REPS2: variants seen among roughly 807,000 people sequenced by gnomAD.
The protein encoded by REPS2 is RALBP1 associated Eps domain containing 2.
A neutral mutation model predicts 53.6 loss-of-function variants in REPS2; 23 were observed. That is an observed-to-expected ratio of 0.43 (90% confidence interval 0.31 to 0.61). The LOEUF (loss-of-function observed/expected upper bound fraction) is 0.61, where lower values mean the gene tolerates loss of function less well. REPS2 is among the 20% of genes least tolerant of loss of function. The pLI is 0.11. For missense variants in REPS2, 446 were observed against 534.9 expected, an observed-to-expected ratio of 0.83 and a Z score of 1.64; for synonymous variants, 238 against 218.6, an observed-to-expected ratio of 1.09 and a Z score of -0.78.
chrX:16,965,914 C>A (rs1416977750), intron 1 of REPS2, among the ~76,000 whole-genome samples: 1 of 112,650 alleles, frequency 8.9e-6, no homozygotes, highest in East Asian at 2.8e-4. Context: ...TGGAGACCAA[C>A]CCGGCCAACA....
At chrX:17,074,049 C>T in intron 11 of REPS2, 65 bp from the exon 12 acceptor site, 1 of 1,019,350 alleles carries the variant, frequency 9.8e-7, no homozygotes, top group Non-Finnish European at 1.4e-6. Flanking sequence ...TCTGTACTAG[C>T]CCAGGTGCTG....
chrX:16,965,632 G>T (rs2060750986), intron 1 of REPS2, among the ~76,000 whole-genome samples: 1 of 112,146 alleles, frequency 8.9e-6, no homozygotes, highest in Admixed American at 9.3e-5. Context: ...ACGATGGGCG[G>T]CCGGGCAGAG....
intron 2 of REPS2, among the ~76,000 whole-genome samples, chrX:17,015,474 A>G (rs1602680807): frequency 9.1e-6 from 1 of 110,431 alleles, no homozygotes; most frequent in East Asian, 2.8e-4. Context: ...GGTTTGTTAC[A>G]TATGTATACA....
At chrX:17,104,375 G>A (rs188484593) in intron 14 of REPS2, among the ~76,000 whole-genome samples, 45 of 112,111 alleles carry the variant, frequency 4.0e-4, no homozygotes, top group African/African-American at 1.3e-3. Flanking sequence ...TCAACACTTT[G>A]CAGAGCTGAA....
intron 1 of REPS2, among the ~76,000 whole-genome samples, chrX:16,995,614 C>T (rs749962221): frequency 3.4e-4 from 38 of 111,991 alleles, no homozygotes; most frequent in Non-Finnish European, 5.6e-5. Flanking sequence ...TCACACACCC[C>T]AACCAGATTA....
rs367589057 is a variant in REPS2, at chrX:16,975,051, C to CT, written c.273+27923dup. Among the ~76,000 whole-genome samples the CT allele has an allele frequency of 4.3e-3, 484 of 111,746 alleles. 7 individuals are homozygous for CT. The highest frequency in any genetic ancestry group is 0.015 in the African/African-American group (473 of 30,739). ...TTCCTGCAAAGGACATGAGCTCATT[C>CT]TTTTTTATGGTTGTGTAGTATTCCA... On this transcript the variant is annotated intron_variant, in intron 1 of 17. Coordinates refer to ENST00000357277, the MANE Select transcript of REPS2 (RefSeq NM_004726.3).
intron 1 of REPS2, among the ~76,000 whole-genome samples, chrX:16,990,216 G>T (rs945702015): frequency 4.5e-5 from 5 of 111,846 alleles, no homozygotes; most frequent in African/African-American, 9.8e-5. Flanking sequence ...TTCCATTTAT[G>T]TAACATTCTT....
At position 17,007,984 on chromosome X, in the gene REPS2, T is replaced by A. The variant is rs536319154; in HGVS notation, c.397+1640T>A. On this transcript the variant is annotated intron_variant, in intron 2 of 17. Coordinates refer to ENST00000357277, the MANE Select transcript of REPS2 (RefSeq NM_004726.3). Reference sequence around the variant, plus strand: ...TCTATGCAAAATAGCCTTGTCTCAATTTTTTCTATTTAGTAAGATGCTGAC... The same window carrying A: ...TCTATGCAAAATAGCCTTGTCTCAAATTTTTCTATTTAGTAAGATGCTGAC... 3.5e-5 allele frequency among the ~76,000 whole-genome samples: 4 copies of A among 112,687 alleles called. No individual in the cohort carries two copies. The East Asian group carries it at 8.4e-4, about 24-fold the overall frequency.
the REPS2 span, among the ~76,000 whole-genome samples, chrX:17,172,784 AAATT>A: frequency 8.9e-6 from 1 of 112,021 alleles, no homozygotes; most frequent in East Asian, 2.8e-4. Context: ...TCAGAATATA[AAATT>A]AATACATAAT....
intron 14 of REPS2, among the ~76,000 whole-genome samples, chrX:17,107,680 A>G (rs1353017463): frequency 8.9e-6 from 1 of 111,828 alleles, no homozygotes; most frequent in African/African-American, 3.2e-5. Flanking sequence ...AGTTAAAAGA[A>G]ACATCTTTTT....
At chrX:17,037,842 A>C (rs1402267436) in intron 5 of REPS2, among the ~76,000 whole-genome samples, 2 of 111,577 alleles carry the variant, frequency 1.8e-5, no homozygotes, top group Non-Finnish European at 3.8e-5. Context: ...ACTTCTTTAC[A>C]ACTGGCACCA....
intron 1 of REPS2, among the ~76,000 whole-genome samples, chrX:16,965,134 G>T (rs2060732993): frequency 1.1e-5 from 1 of 91,878 alleles, no homozygotes; most frequent in South Asian, 5.5e-4. Flanking sequence ...TGGCCGGGTG[G>T]GGGGCTGACC....
the REPS2 span, among the ~76,000 whole-genome samples, chrX:17,190,497 C>A: frequency 8.9e-6 from 1 of 112,140 alleles, no homozygotes; most frequent in East Asian, 2.8e-4. Context: ...GGAACACATA[C>A]CATGTTCATC....
the REPS2 span, among the ~76,000 whole-genome samples, chrX:17,163,170 T>C: frequency 9.0e-6 from 1 of 111,434 alleles, no homozygotes; most frequent in African/African-American, 3.3e-5. Context: ...AATAAAGAGA[T>C]AGAAATTATA....
intron 13 of REPS2, among the ~76,000 whole-genome samples, chrX:17,096,426 G>T (rs1006420220): frequency 1.8e-5 from 2 of 109,827 alleles, no homozygotes; most frequent in Non-Finnish European, 3.8e-5. Flanking sequence ...TTGGGAGGCC[G>T]AGGCGGGCGG....
At chrX:17,121,273 A>G (rs1030164686) in intron 14 of REPS2, among the ~76,000 whole-genome samples, 12 of 112,316 alleles carry the variant, frequency 1.1e-4, no homozygotes, top group African/African-American at 3.6e-4. Context: ...TGCTCTGCCC[A>G]TCAAATTTTG....
In REPS2 at chrX:16,997,605, G is replaced by A. The variant is rs775350233; in HGVS notation, c.274-8616G>A. On this transcript the variant is annotated intron_variant, in intron 1 of 17. Transcript: ENST00000357277. ...GGACTAGTTTACAAAAGTCATAAGA[G>A]ATCACTGTCATCAACTGCTATCACT... Among the ~76,000 whole-genome samples, 13 of 112,706 alleles carry A rather than the reference G, an allele frequency of 1.2e-4. No homozygotes were observed. The Admixed American group carries it at 1.2e-3, about 11-fold the overall frequency.
intron 1 of REPS2, among the ~76,000 whole-genome samples, chrX:16,993,583 T>C (rs905416762): frequency 8.9e-6 from 1 of 111,937 alleles, no homozygotes; most frequent in African/African-American, 3.2e-5. Context: ...GACAACCCAA[T>C]AGTCAACTGC....
intron 8 of REPS2, among the ~76,000 whole-genome samples, chrX:17,056,517 A>G (rs1037656961): frequency 3.6e-5 from 4 of 111,116 alleles, no homozygotes; most frequent in Non-Finnish European, 5.7e-5. Flanking sequence ...GTGAAACCCC[A>G]TCTCTACTAA....
Sources: allele counts gnomAD v4.1 joint callset (sites outside exome capture counted in the v4.1 genomes callset), GRCh38; gene constraint gnomAD v4.1.1; transcripts MANE v1.5; gene names NCBI Gene and HGNC (gene_info 2026-07-23, HGNC 2026-07-21).